Variants in MYH10 observed in about 807,000 individuals in gnomAD.
MYH10 encodes myosin-10.
A neutral mutation model predicts 257.8 loss-of-function variants in MYH10; 55 were observed. The observed-to-expected ratio is 0.21, with a 90% CI of 0.17 to 0.27. The LOEUF is 0.27. MYH10 is among the 10% of genes least tolerant of loss of function. The probability of loss-of-function intolerance (pLI) is 1.00; values close to 1 mark genes in which losing one functional copy is unlikely to be tolerated. For missense variants in MYH10, 1,631 were observed against 2,500.6 expected (o/e 0.65, Z 7.42); for synonymous variants, 854 against 921.7 (o/e 0.93, Z 1.33).
intron 2 of MYH10, among the ~76,000 whole-genome samples, chr17:8,606,643 ACTG>A (rs2084822452): frequency 6.6e-6 from 1 of 152,212 alleles, no homozygotes; most frequent in Non-Finnish European, 1.5e-5. Context: ...AGTGATCAGA[ACTG>A]TCTCTCTGGC....
intron 17 of MYH10, among the ~76,000 whole-genome samples, chr17:8,525,341 G>A (rs1597735394): frequency 6.6e-6 from 1 of 152,206 alleles, no homozygotes; most frequent in Admixed American, 6.5e-5. Context: ...ACTGGACTGA[G>A]CTTCCCCAGG....
intron 4 of MYH10, among the ~76,000 whole-genome samples, chr17:8,585,481 T>C (rs1245366526): frequency 6.6e-6 from 1 of 151,736 alleles, no homozygotes; most frequent in Non-Finnish European, 1.5e-5. Flanking sequence ...AAGACCCCAG[T>C]CACACACACT....
At chr17:8,606,830 C>A (rs1414157716) in intron 2 of MYH10, among the ~76,000 whole-genome samples, 4 of 152,276 alleles carry the variant, frequency 2.6e-5, no homozygotes, top group East Asian at 1.9e-4. Context: ...TCGTTCTTTG[C>A]CTGAGACTGT....
At chr17:8,626,578 A>AAATAATAATAATAAT (rs56176665) in intron 1 of MYH10, among the ~76,000 whole-genome samples, 39 of 140,178 alleles carry the variant, frequency 2.8e-4, no homozygotes, top group South Asian at 1.1e-3. Flanking sequence ...AAATAATAAT[A>AAATAATAATAATAAT]AATAATAATA....
intron 2 of MYH10, 26 bp from the exon 3 acceptor site, chr17:8,605,008 TA>T (rs753429145): frequency 1.6e-3 from 1,870 of 1,186,666 alleles, no homozygotes; most frequent in South Asian, 2.7e-3. Flanking sequence ...AATAGAGTAT[TA>T]AAAAAAAAAC....
At chr17:8,503,817 C>T (rs1033042290) in intron 28 of MYH10, among the ~76,000 whole-genome samples, 15 of 152,214 alleles carry the variant, frequency 9.9e-5, no homozygotes, top group Admixed American at 6.5e-5. Context: ...CATTCATACC[C>T]TGGAAGAGCC....
chr17:8,580,067 C>T (rs572480063), intron 4 of MYH10, among the ~76,000 whole-genome samples: 115 of 151,928 alleles, frequency 7.6e-4, no homozygotes, highest in Non-Finnish European at 1.4e-3. Flanking sequence ...ATGGAGGCTG[C>T]AGTAAGCCAA....
At chr17:8,585,301 T>TATATATATATATATATATAG (rs2083871752) in intron 4 of MYH10, among the ~76,000 whole-genome samples, 1 of 143,314 alleles carries the variant, frequency 7.0e-6, no homozygotes, top group South Asian at 2.2e-4. Context: ...TATATATATA[T>TATATATATATATATATATAG]ATATAGCTAC....
chr17:8,499,589 A>AC, intron 29 of MYH10, 113 bp from the exon 30 acceptor site: 1 of 881,734 alleles, frequency 1.1e-6, no homozygotes, highest in South Asian at 1.6e-5. Context: ...TCTGTAGTCA[A>AC]CATCTGTTGA....
In MYH10 at chr17:8,511,354, T is replaced by C. The variant is rs900961262; in HGVS notation, c.2952+1097A>G. Reference sequence around the variant, plus strand: ...GGCCAACGTGGTGAAACCTCGTCTCTACTAAAAATACAAAAATTAGCTGGG... The same window carrying C: ...GGCCAACGTGGTGAAACCTCGTCTCCACTAAAAATACAAAAATTAGCTGGG... On this transcript the variant is annotated intron_variant, in intron 24 of 42. Transcript: ENST00000360416. 7.2e-5 allele frequency among the ~76,000 whole-genome samples: 11 copies of C among 152,092 alleles called. No individual in the cohort carries two copies. The South Asian group carries it at 1.7e-3, about 23-fold the overall frequency.
intron 4 of MYH10, among the ~76,000 whole-genome samples, chr17:8,587,119 C>T (rs528087379): frequency 1.8e-4 from 28 of 152,250 alleles, no homozygotes; most frequent in African/African-American, 6.5e-4. Context: ...GAGAAAGAGA[C>T]ACCAAGTGGA....
At chr17:8,621,067 T>G (rs888786943) in intron 2 of MYH10, among the ~76,000 whole-genome samples, 1 of 152,178 alleles carries the variant, frequency 6.6e-6, no homozygotes, top group Non-Finnish European at 1.5e-5. Context: ...CTTTTCTACT[T>G]AGCACCCTTT....
At chr17:8,574,723 A>C (rs2083449409) in intron 6 of MYH10, among the ~76,000 whole-genome samples, 2 of 152,228 alleles carry the variant, frequency 1.3e-5, no homozygotes, top group South Asian at 4.1e-4. Context: ...GTTCAATGTA[A>C]AATCACAAAC....
intron 30 of MYH10, among the ~76,000 whole-genome samples, chr17:8,495,642 C>T (rs144555030): frequency 3.5e-4 from 54 of 152,196 alleles, no homozygotes; most frequent in African/African-American, 1.3e-3. Context: ...ATGCGTTAAC[C>T]ATATGTTTTG....
chr17:8,512,712 T>C (rs1042201268), intron 23 of MYH10, 55 bp from the exon 24 acceptor site: 4 of 1,426,540 alleles, frequency 2.8e-6, no homozygotes, highest in East Asian at 2.3e-5. Context: ...GTACACAGTA[T>C]ATATTCGCCG....
chr17:8,592,550 T>C (rs1041260454), intron 3 of MYH10, among the ~76,000 whole-genome samples: 32 of 151,570 alleles, frequency 2.1e-4, no homozygotes, highest in African/African-American at 7.3e-4. Context: ...ACAACTAAGA[T>C]GAAAGGGATA....
intron 36 of MYH10, among the ~76,000 whole-genome samples, chr17:8,485,059 T>A (rs1392639339): frequency 6.6e-6 from 1 of 152,018 alleles, no homozygotes; most frequent in Non-Finnish European, 1.5e-5. Flanking sequence ...ATATAGAAAA[T>A]CTTAAGGAAG....
chr17:8,630,036 C>T (rs956383520), intron 1 of MYH10, among the ~76,000 whole-genome samples: 2 of 152,026 alleles, frequency 1.3e-5, no homozygotes, highest in Admixed American at 6.5e-5. Flanking sequence ...CTTCCAAGCC[C>T]ATGGTGAACC....
At chr17:8,485,442 CA>C (rs1312808525) in intron 36 of MYH10, among the ~76,000 whole-genome samples, 6 of 143,924 alleles carry the variant, frequency 4.2e-5, no homozygotes, top group Non-Finnish European at 1.5e-5. Context: ...AATAAACTAT[CA>C]AAACCCAAGC....
Sources: gnomAD v4.1 joint callset for allele counts (sites outside exome capture counted in the v4.1 genomes callset) on GRCh38, gnomAD v4.1.1 for gene constraint, MANE v1.5 for transcripts, NCBI Gene and HGNC (gene_info 2026-07-23, HGNC 2026-07-21) for gene names.